The following ITPR1 variants were observed in gnomAD, a reference collection of about 807,000 sequenced individuals.
ITPR1 encodes the protein inositol 1,4,5-trisphosphate receptor type 1.
ITPR1 carries 96 observed loss-of-function variants against 318.4 expected under a neutral mutation model. The ratio of observed to expected loss-of-function variants is 0.30; its 90% CI spans 0.26 to 0.36. The LOEUF (loss-of-function observed/expected upper bound fraction) is 0.36. ITPR1 is among the 10% of genes least tolerant of loss of function. The pLI, the probability that ITPR1 is intolerant of heterozygous loss-of-function variation, is 1.00. For missense variants in ITPR1, 2,440 were observed against 3,460.2 expected, an observed-to-expected ratio of 0.71 and a Z score of 7.40; for synonymous variants, 1,312 against 1,289.9, an observed-to-expected ratio of 1.02 and a Z score of -0.37.
chr3:4,702,542 G>T (rs1174753674), intron 35 of ITPR1, among the ~76,000 whole-genome samples: 1 of 152,190 alleles, frequency 6.6e-6, no homozygotes, highest in East Asian at 1.9e-4. Flanking sequence ...TCTTTGAACT[G>T]TGGATCCATT....
chr3:4,684,458 G>C, intron 29 of ITPR1, 112 bp downstream of exon 29: 1 of 748,038 alleles, frequency 1.3e-6, no homozygotes, highest in African/African-American at 1.7e-5. Flanking sequence ...TCTTCATGTG[G>C]TTTAACAGGG....
At chr3:4,543,690 A>G (rs572648644) in intron 4 of ITPR1, among the ~76,000 whole-genome samples, 10 of 152,034 alleles carry the variant, frequency 6.6e-5, no homozygotes, top group Non-Finnish European at 1.3e-4. Context: ...TGATCTGCCC[A>G]CCTCGGCCTC....
At chr3:4,499,722 A>G (rs1413310403) in intron 2 of ITPR1, among the ~76,000 whole-genome samples, 2 of 152,214 alleles carry the variant, frequency 1.3e-5, no homozygotes, top group African/African-American at 4.8e-5. Flanking sequence ...GCATCAGTGC[A>G]ATGTGGTTTA....
At chr3:4,616,201 C>A (rs530349888) in intron 4 of ITPR1, among the ~76,000 whole-genome samples, 3 of 152,170 alleles carry the variant, frequency 2.0e-5, no homozygotes, top group African/African-American at 4.8e-5. Flanking sequence ...TTAGATTATT[C>A]TTCTACCTTG....
intron 26 of ITPR1, 27 bp downstream of exon 26, chr3:4,681,445 G>A: frequency 2.0e-6 from 3 of 1,531,390 alleles, no homozygotes; most frequent in Non-Finnish European, 2.7e-6. Flanking sequence ...TTACTGTTTT[G>A]TAGGGAAGGC....
chr3:4,634,649 T>C (rs1160253306), intron 5 of ITPR1, among the ~76,000 whole-genome samples: 4 of 152,178 alleles, frequency 2.6e-5, no homozygotes, highest in South Asian at 4.1e-4. Context: ...ATTCGTAAAT[T>C]GTGTTCCTCA....
chr3:4,519,382 A>G (rs1348486139), intron 3 of ITPR1, among the ~76,000 whole-genome samples: 1 of 152,042 alleles, frequency 6.6e-6, no homozygotes, highest in Admixed American at 6.5e-5. Context: ...GCCTGCCACC[A>G]CGCCCAGCTA....
At chr3:4,586,794 A>G (rs938658911) in intron 4 of ITPR1, among the ~76,000 whole-genome samples, 12 of 150,444 alleles carry the variant, frequency 8.0e-5, no homozygotes, top group Non-Finnish European at 1.6e-4. Context: ...GATTAAATGC[A>G]TATTGGTTTG....
chr3:4,525,450 T>A (rs1247755922), intron 4 of ITPR1, among the ~76,000 whole-genome samples: 1 of 152,208 alleles, frequency 6.6e-6, no homozygotes, highest in Non-Finnish European at 1.5e-5. Context: ...GAATTGCTTT[T>A]TTTGTGTGTG....
At chr3:4,842,514 T>A (rs538050911) in intron 61 of ITPR1, among the ~76,000 whole-genome samples, 127 of 152,166 alleles carry the variant, frequency 8.3e-4, no homozygotes, top group Non-Finnish European at 1.5e-3. Context: ...ATTACAGGCA[T>A]GTACCACCAT....
At chr3:4,542,235 A>G (rs1433460115) in intron 4 of ITPR1, among the ~76,000 whole-genome samples, 2 of 151,922 alleles carry the variant, frequency 1.3e-5, no homozygotes, top group Non-Finnish European at 2.9e-5. Context: ...ATCTTATTCT[A>G]TTTTCTACAT....
chr3:4,624,596 G>GGA (rs2092758454), intron 4 of ITPR1, among the ~76,000 whole-genome samples: 1 of 150,860 alleles, frequency 6.6e-6, no homozygotes, highest in Admixed American at 6.6e-5. Flanking sequence ...CTTGAACCCG[G>GGA]GAGGCAGAGG....
chr3:4,543,198 G>A (rs1164492754), intron 4 of ITPR1, among the ~76,000 whole-genome samples: 3 of 151,770 alleles, frequency 2.0e-5, no homozygotes, highest in Non-Finnish European at 4.4e-5. Context: ...TGACCCCAAG[G>A]CTGCAGTGAG....
rs1387730291 is a variant in ITPR1 at position 4,675,239 on chromosome 3, A to G, written c.2770A>G (p.Lys924Glu). Reference sequence around the variant, plus strand: ...GAATAAAGGTAACAATGATGTGGAGAAGCTGAAGAGTGAGTATCTGAGGGT... The same window carrying G: ...GAATAAAGGTAACAATGATGTGGAGGAGCTGAAGAGTGAGTATCTGAGGGT... ...EENKGNNDVEKLKSSNVMRSI... is the reference protein window; with the variant it reads ...EENKGNNDVEELKSSNVMRSI... The change falls in exon 23 of 62, where the codon AAG becomes GAG. Residue 924 changes from lysine to glutamate, a missense_variant. By Grantham distance (56) the Lys-to-Glu change is moderately conservative (BLOSUM62 1). Coordinates refer to ENST00000649015, the MANE Select transcript of ITPR1 (RefSeq NM_001378452.1). 6.2e-7 allele frequency: 1 copy of G among 1,609,418 alleles called. No individual in the cohort carries two copies. Among genetic ancestry groups the G allele is most frequent in the Admixed American group, 1.7e-5 (1 of 59,142 alleles).
chr3:4,674,101 C>A, intron 21 of ITPR1, 101 bp from the exon 22 acceptor site: 1 of 873,638 alleles, frequency 1.1e-6, no homozygotes. Context: ...CAAGGGATGC[C>A]AAGGGTTAGG....
chr3:4,845,989 T>G, intron 61 of ITPR1, 150 bp from the exon 62 acceptor site: 2 of 458,788 alleles, frequency 4.4e-6, no homozygotes, highest in Non-Finnish European at 7.9e-6. Flanking sequence ...TTTTTTGAAG[T>G]GCTGTGTGTT....
intron 4 of ITPR1, among the ~76,000 whole-genome samples, chr3:4,605,929 A>G (rs1224783491): frequency 2.6e-5 from 4 of 152,110 alleles, no homozygotes; most frequent in Non-Finnish European, 5.9e-5. Context: ...ATCAGACAGG[A>G]AAGAGAGAAG....
chr3:4,602,899 A>G (rs1361676254), intron 4 of ITPR1, among the ~76,000 whole-genome samples: 1 of 151,598 alleles, frequency 6.6e-6, no homozygotes, highest in African/African-American at 2.4e-5. Context: ...TGTGGGGGAT[A>G]ATGCAAATGT....
chr3:4,687,278 G>C (rs964003941), intron 30 of ITPR1, among the ~76,000 whole-genome samples: 6 of 152,220 alleles, frequency 3.9e-5, no homozygotes, highest in Non-Finnish European at 7.3e-5. Flanking sequence ...GCTGACCTCA[G>C]TCTAGCCCGG....
Sources: allele counts gnomAD v4.1 joint callset (sites outside exome capture counted in the v4.1 genomes callset), GRCh38; gene constraint gnomAD v4.1.1; transcripts MANE v1.5; gene names NCBI Gene and HGNC (gene_info 2026-07-23, HGNC 2026-07-21).